Variants in CRACDL observed in about 807,000 individuals in gnomAD.
CRACDL encodes CRACD-like protein.
A neutral mutation model predicts 70.6 loss-of-function variants in CRACDL; 26 were observed. The ratio of observed to expected loss-of-function variants is 0.37; its 90% confidence interval spans 0.27 to 0.51. CRACDL has a LOEUF of 0.51. Ranked by LOEUF, CRACDL falls within the 20% of genes least tolerant of loss-of-function variation. The probability of loss-of-function intolerance (pLI) is 0.94; values close to 1 mark genes in which losing one functional copy is unlikely to be tolerated. For missense variants in CRACDL, 1,283 were observed against 1,376.9 expected (o/e 0.93, Z 1.08); for synonymous variants, 618 against 615.2 (o/e 1.00, Z -0.07).
chr2:98,875,985 C>T (rs975416537), intron 1 of CRACDL, among the ~76,000 whole-genome samples: 30 of 152,196 alleles, frequency 2.0e-4, no homozygotes, highest in African/African-American at 7.2e-4. Context: ...GGTCAGCTCT[C>T]AGGTTTTCCA....
intron 9 of CRACDL, among the ~76,000 whole-genome samples, chr2:98,795,073 A>ATTTTTTTTTTTTTTTTTT (rs1468056572): frequency 5.0e-5 from 1 of 20,088 alleles, no homozygotes; most frequent in African/African-American, 1.2e-4. Context: ...ATATATATAT[A>ATTTTTTTTTTTTTTTTTT]TATATTTTTT....
intron 1 of CRACDL, among the ~76,000 whole-genome samples, chr2:98,906,892 T>C (rs1221481806): frequency 6.6e-6 from 1 of 152,170 alleles, no homozygotes; most frequent in Non-Finnish European, 1.5e-5. Context: ...GAGTTTAGCG[T>C]GGTCTTGGGG....
chr2:98,833,544 C>A (rs916118747), intron 3 of CRACDL, among the ~76,000 whole-genome samples: 2 of 152,204 alleles, frequency 1.3e-5, no homozygotes, highest in African/African-American at 4.8e-5. Context: ...CTTTTTATGA[C>A]CTGGCACCAT....
intron 1 of CRACDL, among the ~76,000 whole-genome samples, chr2:98,888,130 T>C (rs962258432): frequency 5.9e-5 from 9 of 152,142 alleles, no homozygotes; most frequent in African/African-American, 1.4e-4. Context: ...ACAAAAACCA[T>C]AGAGAAATTA....
At chr2:98,816,759 T>C (rs1704798672) in intron 7 of CRACDL, among the ~76,000 whole-genome samples, 1 of 152,174 alleles carries the variant, frequency 6.6e-6, no homozygotes, top group African/African-American at 2.4e-5. Context: ...TTGATGACAC[T>C]TGCTCAGAAG....
At chr2:98,913,898 G>A (rs1396601228) in intron 1 of CRACDL, among the ~76,000 whole-genome samples, 4 of 152,202 alleles carry the variant, frequency 2.6e-5, no homozygotes, top group Non-Finnish European at 5.9e-5. Flanking sequence ...GGATGAGATG[G>A]GGAGAATATA....
At chr2:98,861,773 A>G (rs1185951876) in intron 1 of CRACDL, among the ~76,000 whole-genome samples, 1 of 152,142 alleles carries the variant, frequency 6.6e-6, no homozygotes, top group Non-Finnish European at 1.5e-5. Flanking sequence ...TGGGGGGTAC[A>G]TTGTGGTTAA....
chr2:98,898,516 T>C (rs546141841), intron 1 of CRACDL, among the ~76,000 whole-genome samples: 1 of 152,338 alleles, frequency 6.6e-6, no homozygotes, highest in African/African-American at 2.4e-5. Context: ...CTGGTCACAG[T>C]GAGCATGCTC....
chr2:98,929,444 G>C (rs141615776), intron 1 of CRACDL, among the ~76,000 whole-genome samples: 31 of 152,288 alleles, frequency 2.0e-4, no homozygotes, highest in African/African-American at 7.0e-4. Context: ...GTATGCCTCA[G>C]ACTCCAAGCA....
intron 1 of CRACDL, among the ~76,000 whole-genome samples, chr2:98,927,279 T>C (rs1191398611): frequency 6.6e-6 from 1 of 152,198 alleles, no homozygotes; most frequent in Non-Finnish European, 1.5e-5. Context: ...AATGACTCCC[T>C]GGCCACGCTG....
intron 1 of CRACDL, among the ~76,000 whole-genome samples, chr2:98,866,475 CTTTTTTTTTTTTTTT>C (rs1173322192): frequency 1.2e-4 from 5 of 43,232 alleles, no homozygotes; most frequent in African/African-American, 3.0e-4. Flanking sequence ...ATCACTTCTT[CTTTTTTTTTTTTTTT>C]TTTTTTTTTT....
chr2:98,868,796 C>A (rs1707240546), intron 1 of CRACDL, among the ~76,000 whole-genome samples: 1 of 152,178 alleles, frequency 6.6e-6, no homozygotes, highest in Non-Finnish European at 1.5e-5. Context: ...CTCACCCAGC[C>A]CTCCTCCCCT....
chr2:98,844,812 T>G (rs774126544), intron 2 of CRACDL, among the ~76,000 whole-genome samples: 3 of 152,234 alleles, frequency 2.0e-5, no homozygotes, highest in Non-Finnish European at 4.4e-5. Context: ...GCACCTTCCT[T>G]TAGTGAATGT....
chr2:98,928,862 G>A, intron 1 of CRACDL, among the ~76,000 whole-genome samples: 1 of 152,200 alleles, frequency 6.6e-6, no homozygotes, highest in East Asian at 1.9e-4. Context: ...GATTTCCAAT[G>A]GAGCTTGTAG....
intron 7 of CRACDL, among the ~76,000 whole-genome samples, chr2:98,798,142 C>T (rs576860177): frequency 3.3e-5 from 5 of 152,110 alleles, no homozygotes; most frequent in African/African-American, 7.2e-5. Flanking sequence ...GTCAGGAGTT[C>T]GAGACCAACT....
chr2:98,880,785 G>A (rs1241120425), intron 1 of CRACDL, among the ~76,000 whole-genome samples: 1 of 152,196 alleles, frequency 6.6e-6, no homozygotes, highest in Non-Finnish European at 1.5e-5. Context: ...GAAGGCAGGT[G>A]TCGGGAGAGC....
chr2:98,884,018 C>T (rs551600451), intron 1 of CRACDL, among the ~76,000 whole-genome samples: 22 of 152,276 alleles, frequency 1.4e-4, no homozygotes, highest in Middle Eastern at 6.8e-3. Flanking sequence ...AGGAGCTGAT[C>T]GGTGGCTGGG....
At chr2:98,848,061 T>A (rs1706333855) in intron 1 of CRACDL, among the ~76,000 whole-genome samples, 2 of 152,220 alleles carry the variant, frequency 1.3e-5, no homozygotes, top group African/African-American at 2.4e-5. Context: ...CAAAAACTCT[T>A]GGAACCTCAC....
intron 1 of CRACDL, among the ~76,000 whole-genome samples, chr2:98,848,955 C>T (rs10175560): frequency 0.36 from 54,614 of 152,102 alleles, 10,302 homozygotes; most frequent in African/African-American, 0.47. Flanking sequence ...ATGGCGTCTA[C>T]ACTCACACTG....
Sources: gnomAD v4.1 joint callset for allele counts (sites outside exome capture counted in the v4.1 genomes callset) on GRCh38, gnomAD v4.1.1 for gene constraint, MANE v1.5 for transcripts, NCBI Gene and HGNC (gene_info 2026-07-23, HGNC 2026-07-21) for gene names.